Variants in LRBA observed in about 807,000 individuals in gnomAD.
LRBA encodes lipopolysaccharide-responsive and beige-like anchor protein.
A neutral mutation model predicts 330.0 loss-of-function variants in LRBA; 176 were observed. The observed-to-expected ratio is 0.53, with a 90% CI of 0.47 to 0.60. The LOEUF is 0.60. Ranked by LOEUF, LRBA falls within the 20% of genes least tolerant of loss-of-function variation. LRBA has a pLI of 0.00. For synonymous variants in LRBA, 1,230 were observed against 1,193.0 expected (o/e 1.03, Z -0.64); for missense variants, 3,259 against 3,444.8 (o/e 0.95, Z 1.35).
At chr4:150,636,263 T>C (rs1375815058) in intron 37 of LRBA, among the ~76,000 whole-genome samples, 1 of 151,370 alleles carries the variant, frequency 6.6e-6, no homozygotes, top group African/African-American at 2.4e-5. Flanking sequence ...CTGATCTTCA[T>C]CAAACTTTCC....
At chr4:150,533,054 T>C (rs1249696236) in intron 40 of LRBA, among the ~76,000 whole-genome samples, 1 of 152,226 alleles carries the variant, frequency 6.6e-6, no homozygotes, top group East Asian at 1.9e-4. Flanking sequence ...TCAAGGCTTA[T>C]TGTCTATTAT....
At chr4:150,532,995 T>A (rs1322916485) in intron 40 of LRBA, among the ~76,000 whole-genome samples, 1 of 152,148 alleles carries the variant, frequency 6.6e-6, no homozygotes, top group Non-Finnish European at 1.5e-5. Flanking sequence ...GCTCACCAAC[T>A]AACTAAAAAC....
intron 47 of LRBA, among the ~76,000 whole-genome samples, chr4:150,356,566 A>C (rs1561060488): frequency 6.6e-6 from 1 of 152,088 alleles, no homozygotes; most frequent in South Asian, 2.1e-4. Context: ...TTTCTAACAA[A>C]GGTCACAGAA....
chr4:150,713,547 T>C (rs372830437), intron 36 of LRBA, among the ~76,000 whole-genome samples: 1 of 152,228 alleles, frequency 6.6e-6, no homozygotes, highest in Non-Finnish European at 1.5e-5. Flanking sequence ...TTTTTGCCTA[T>C]GTAACTGTAA....
intron 2 of LRBA, among the ~76,000 whole-genome samples, chr4:150,943,479 T>C (rs1735895859): frequency 6.6e-6 from 1 of 152,210 alleles, no homozygotes; most frequent in Admixed American, 6.5e-5. Context: ...TTCTTGAAGC[T>C]TATTATTGTA....
chr4:150,457,613 A>G (rs1422715850), intron 44 of LRBA, among the ~76,000 whole-genome samples: 1 of 151,992 alleles, frequency 6.6e-6, no homozygotes, highest in African/African-American at 2.4e-5. Context: ...AAAGCTACAA[A>G]TGCATACATG....
intron 47 of LRBA, among the ~76,000 whole-genome samples, chr4:150,355,266 A>T (rs1737685834): frequency 6.6e-6 from 1 of 152,044 alleles, no homozygotes; most frequent in Admixed American, 6.6e-5. Flanking sequence ...CCAATGTAAA[A>T]ATCAAGAAAA....
rs370769553 is a variant in LRBA at position 150,961,033 on chromosome 4, T to C, written c.217-31968A>G. Among the ~76,000 whole-genome samples the C allele has an allele frequency of 9.9e-4, 148 of 149,146 alleles. 23 individuals carry two copies. The highest frequency in any genetic ancestry group is 3.7e-3 in the African/African-American group (144 of 38,546). ...CGCCACCTCTCTGCTGAGTTATGTA[T>C]AGCCACTTTGGCCGCCCACTGCATC... On this transcript the variant is annotated intron_variant, in intron 2 of 56. Transcript: ENST00000651943.
chr4:150,525,277 C>CTT (rs141748744), intron 40 of LRBA, among the ~76,000 whole-genome samples: 7 of 148,174 alleles, frequency 4.7e-5, no homozygotes, highest in East Asian at 2.0e-4. Context: ...CATGCTCTGG[C>CTT]TTTTTTTTTT....
intron 42 of LRBA, among the ~76,000 whole-genome samples, chr4:150,472,556 T>C (rs946145628): frequency 1.3e-5 from 2 of 152,172 alleles, no homozygotes; most frequent in Non-Finnish European, 2.9e-5. Flanking sequence ...AACATTTTCT[T>C]CATCTCTTCT....
At chr4:150,617,950 T>C (rs1361842235) in intron 37 of LRBA, among the ~76,000 whole-genome samples, 1 of 151,656 alleles carries the variant, frequency 6.6e-6, no homozygotes, top group African/African-American at 2.4e-5. Flanking sequence ...CTACAAAAAA[T>C]ACAAAAAGCT....
chr4:150,819,890 T>C (rs950232663), intron 30 of LRBA, among the ~76,000 whole-genome samples: 5 of 152,090 alleles, frequency 3.3e-5, no homozygotes, highest in South Asian at 2.1e-4. Context: ...TCAGGAATGA[T>C]AGATCAGAAG....
At chr4:150,843,888 A>G (rs1749462485) in intron 28 of LRBA, among the ~76,000 whole-genome samples, 1 of 152,208 alleles carries the variant, frequency 6.6e-6, no homozygotes, top group African/African-American at 2.4e-5. Context: ...ATTCCTTTTA[A>G]TATCACTATG....
chr4:150,754,490 G>C (rs1734001349), intron 35 of LRBA, among the ~76,000 whole-genome samples: 1 of 136,208 alleles, frequency 7.3e-6, no homozygotes, highest in Admixed American at 8.5e-5. Context: ...AGCGGTTGCA[G>C]CCTGGGTGAC....
chr4:150,650,297 C>T (rs772841075), intron 37 of LRBA, among the ~76,000 whole-genome samples: 11 of 152,080 alleles, frequency 7.2e-5, no homozygotes, highest in Admixed American at 1.3e-4. Context: ...ATCTACAAAA[C>T]GTAATAAGGC....
intron 17 of LRBA, among the ~76,000 whole-genome samples, chr4:150,875,751 A>T (rs1215323473): frequency 6.6e-6 from 1 of 152,254 alleles, no homozygotes; most frequent in African/African-American, 2.4e-5. Flanking sequence ...TAAAAGCATG[A>T]AAATTATTAC....
chr4:150,334,673 A>C (rs1339646751), intron 48 of LRBA, among the ~76,000 whole-genome samples: 1 of 151,998 alleles, frequency 6.6e-6, no homozygotes, highest in Non-Finnish European at 1.5e-5. Context: ...TACTTTCCTC[A>C]TTTTTATACC....
At chr4:150,650,629 T>C (rs1779615628) in intron 37 of LRBA, among the ~76,000 whole-genome samples, 1 of 152,148 alleles carries the variant, frequency 6.6e-6, no homozygotes, top group South Asian at 2.1e-4. Context: ...TGCTAGGACT[T>C]TCCTATAAAA....
intron 46 of LRBA, among the ~76,000 whole-genome samples, chr4:150,431,305 CTAAT>C (rs760544538): frequency 5.3e-5 from 8 of 152,142 alleles, no homozygotes; most frequent in Non-Finnish European, 8.8e-5. Context: ...ATTGTTGCTA[CTAAT>C]TGTCTGTTTA....
Sources: gnomAD v4.1 joint callset for allele counts (sites outside exome capture counted in the v4.1 genomes callset) on GRCh38, gnomAD v4.1.1 for gene constraint, MANE v1.5 for transcripts, NCBI Gene and HGNC (gene_info 2026-07-23, HGNC 2026-07-21) for gene names.